The following SLC24A1 variants were observed in gnomAD, a reference collection of about 807,000 sequenced individuals.
The protein encoded by SLC24A1 is solute carrier family 24 member 1.
Under a neutral mutation model 88.1 loss-of-function variants are expected in SLC24A1, and 52 were observed. That is an observed-to-expected ratio of 0.59 (90% CI 0.47 to 0.74). The LOEUF is 0.74. Among genes scored for constraint, SLC24A1 ranks in the 30% least tolerant of loss-of-function variants. The pLI is 0.00. For missense variants in SLC24A1, 1,173 were observed against 1,363.3 expected (o/e 0.86, Z 2.20); for synonymous variants, 455 against 498.0 (o/e 0.91, Z 1.15).
Position 65,652,819 on chromosome 15 carries a change from ATGTAACTT to A in SLC24A1, c.3050+13_3050+20del. The stretch of plus-strand genomic sequence containing the variant: ...TGATATCACTGTGGGGTGAGTGGCA[ATGTAACTT>A]TCTAAGGGGTGTTAAGTATGACTGG... On this transcript the variant is annotated intron_variant, in intron 9 of 9. Coordinates refer to ENST00000261892, the MANE Select transcript of SLC24A1 (RefSeq NM_004727.3). The A allele has an allele frequency of 1.3e-6, 2 of 1,583,798 alleles. No homozygotes were observed. The highest frequency in any genetic ancestry group is 1.7e-6 in the Non-Finnish European group (2 of 1,159,398).
downstream of SLC24A1, chr15:65,658,325 G>A (rs1233827035): frequency 1.3e-5 from 2 of 152,206 alleles, no homozygotes; most frequent in Non-Finnish European, 1.5e-5. Context: ...ATCCAGACAG[G>A]AAGAGGCAGC....
chr15:65,653,369 T>C (rs964277355), intron 9 of SLC24A1, among the ~76,000 whole-genome samples: 1 of 152,186 alleles, frequency 6.6e-6, no homozygotes, highest in Non-Finnish European at 1.5e-5. Flanking sequence ...TATGTGTATT[T>C]GGGGTGAGGG....
At position 65,655,939 on chromosome 15, in the gene SLC24A1, G is replaced by A; in HGVS notation, c.*1860G>A. Reference sequence around the variant, plus strand: ...ATCCTCCCGAGAAGACTGATGAAGAGTATGGAATCATGTTCCAATTCTATA... The same window carrying A: ...ATCCTCCCGAGAAGACTGATGAAGAATATGGAATCATGTTCCAATTCTATA... On this transcript the variant is annotated 3_prime_UTR_variant, in exon 10 of 10. Transcript: ENST00000261892. 2 of 985,094 alleles carry A rather than the reference G, an allele frequency of 2.0e-6. No individual in the cohort carries two copies. Among genetic ancestry groups the A allele is most frequent in the Non-Finnish European group, 2.4e-6 (2 of 829,674 alleles). The allele number at this position is 985,094 out of a possible 1,614,324, so 61.0% of individuals were successfully genotyped here. A position where few individuals can be genotyped will look rare whatever the true frequency, so the allele number is the denominator to read the frequency against.
At chr15:65,644,218 A>C in intron 4 of SLC24A1, 1 of 587,322 alleles carries the variant, frequency 1.7e-6, no homozygotes, top group Non-Finnish European at 3.1e-6. Flanking sequence ...GTCAGTGACA[A>C]TGCAGAGAAT....
rs774825976 is a variant in SLC24A1 at position 65,626,690 on chromosome 15, C to T, written c.1890+720C>T. 1.3e-4 allele frequency among the ~76,000 whole-genome samples: 20 copies of T among 152,194 alleles called. No homozygotes were observed. The South Asian group carries it at 1.9e-3, about 14-fold the overall frequency. Reference sequence around the variant, plus strand: ...GTTCCTTTCCAAGAACTTCTCTGCCCGCTTGAGGGACCTTCCTGTTAAATT... The same window carrying T: ...GTTCCTTTCCAAGAACTTCTCTGCCTGCTTGAGGGACCTTCCTGTTAAATT... On this transcript the variant is annotated intron_variant, in intron 2 of 9. Coordinates refer to ENST00000261892, the MANE Select transcript of SLC24A1 (RefSeq NM_004727.3).
intron 4 of SLC24A1, chr15:65,643,150 C>T (rs2075187469): frequency 1.5e-6 from 1 of 681,786 alleles, no homozygotes; most frequent in African/African-American, 1.9e-5. Context: ...TACTTTGTCA[C>T]CAACTCTGGA....
At chr15:65,629,967 T>G (rs1031301561) in intron 2 of SLC24A1, among the ~76,000 whole-genome samples, 1 of 152,166 alleles carries the variant, frequency 6.6e-6, no homozygotes, top group Non-Finnish European at 1.5e-5. Context: ...CTGGAAGGAC[T>G]TTTTTATTTA....
chr15:65,638,846 G>C (rs2075026707), intron 3 of SLC24A1, among the ~76,000 whole-genome samples: 1 of 152,134 alleles, frequency 6.6e-6, no homozygotes. Context: ...AGAAGGGAGG[G>C]AGGACTCCGC....
upstream of SLC24A1, among the ~76,000 whole-genome samples, chr15:65,619,572 C>T (rs752969463): frequency 2.6e-5 from 4 of 151,990 alleles, no homozygotes; most frequent in East Asian, 1.9e-4. Context: ...AAATTTGCGA[C>T]GCTTTCAAAT....
intron 3 of SLC24A1, 127 bp downstream of exon 3, chr15:65,638,308 G>C: frequency 2.9e-6 from 2 of 689,888 alleles, no homozygotes; most frequent in South Asian, 3.2e-5. Flanking sequence ...ACTCCTGGGA[G>C]CGCTGCCAGG....
chr15:65,654,515 A>G lies in SLC24A1; in HGVS notation c.*436A>G. On this transcript the variant is annotated 3_prime_UTR_variant, in exon 10 of 10. Coordinates refer to ENST00000261892, the MANE Select transcript of SLC24A1 (RefSeq NM_004727.3). ...TCTCAGCCTTCCTGACCTCTGCCCCAAACACACGCTGCAATTTTGTCTCCT... is the reference window on the plus strand; with the variant it reads ...TCTCAGCCTTCCTGACCTCTGCCCCGAACACACGCTGCAATTTTGTCTCCT... 1.7e-6 allele frequency: 2 copies of G among 1,185,096 alleles called. No individual in the cohort carries two copies. Among genetic ancestry groups the G allele is most frequent in the Non-Finnish European group, 2.1e-6 (2 of 944,506 alleles). The allele number at this position is 1,185,096 out of a possible 1,614,324, so 73.4% of individuals were successfully genotyped here.
chr15:65,654,640 TATAAC>T lies in SLC24A1; in HGVS notation c.*563_*567del. The T allele has an allele frequency of 7.9e-7, 1 of 1,267,486 alleles. No homozygotes were observed. The highest frequency in any genetic ancestry group is 1.0e-6 in the Non-Finnish European group (1 of 982,348). 78.5% of individuals were successfully genotyped at this position (1,267,486 alleles called of 1,614,324 possible). On this transcript the variant is annotated 3_prime_UTR_variant, in exon 10 of 10. Coordinates refer to ENST00000261892, the MANE Select transcript of SLC24A1 (RefSeq NM_004727.3). ...TCCAAGGCTACAGAAAAAAAAGAAA[TATAAC>T]AGGAATTAATGATCATTCCACGTTT...
chr15:65,633,815 C>G (rs1397013284), intron 2 of SLC24A1, among the ~76,000 whole-genome samples: 1 of 152,100 alleles, frequency 6.6e-6, no homozygotes, highest in African/African-American at 2.4e-5. Flanking sequence ...GAAGTTTAGA[C>G]TCTTACTGGG....
Position 65,638,190 on chromosome 15 carries a change from C to A in SLC24A1, c.1944+9C>A. On this transcript the variant is annotated intron_variant, in intron 3 of 9. Coordinates refer to ENST00000261892, the MANE Select transcript of SLC24A1 (RefSeq NM_004727.3). Reference sequence around the variant, plus strand: ...ATAACAAGAAGCTGAAGGTGGGTGCCGTATGGAGTCTGCCCAGTGGGGACA... The same window carrying A: ...ATAACAAGAAGCTGAAGGTGGGTGCAGTATGGAGTCTGCCCAGTGGGGACA... The A allele has an allele frequency of 6.3e-7, 1 of 1,590,062 alleles. No homozygotes were observed. Among genetic ancestry groups the A allele is most frequent in the East Asian group, 2.2e-5 (1 of 44,508 alleles).
intron 2 of SLC24A1, among the ~76,000 whole-genome samples, chr15:65,635,882 A>G (rs771373152): frequency 5.9e-5 from 9 of 152,210 alleles, no homozygotes; most frequent in Non-Finnish European, 1.3e-4. Context: ...CACAGAATCC[A>G]TGTCCTAAGC....
chr15:65,631,767 G>A (rs61076268), intron 2 of SLC24A1, among the ~76,000 whole-genome samples: 1,862 of 152,246 alleles, frequency 0.012, 40 homozygotes, highest in African/African-American at 0.043. Flanking sequence ...CAAAAACCGC[G>A]ATTACTTTTG....
chr15:65,618,913 A>G (rs1054003790), upstream of SLC24A1: 1 of 152,182 alleles, frequency 6.6e-6, no homozygotes, highest in Non-Finnish European at 1.5e-5. Context: ...ACTTGACTGT[A>G]AGGATGAAAT....
chr15:65,655,586 G>A lies in SLC24A1; in HGVS notation c.*1507G>A. ...GAAATAGAACAGCTTAATATCACTG[G>A]CTTCAGAGCAAAATGAGCTCGGGTG... On this transcript the variant is annotated 3_prime_UTR_variant, in exon 10 of 10. Coordinates refer to ENST00000261892, the MANE Select transcript of SLC24A1 (RefSeq NM_004727.3). 1 of 985,326 alleles carries A rather than the reference G, an allele frequency of 1.0e-6. No individual in the cohort carries two copies. The highest frequency in any genetic ancestry group is 1.2e-6 in the Non-Finnish European group (1 of 829,888). 61.0% of individuals were successfully genotyped at this position (985,326 alleles called of 1,614,324 possible).
upstream of SLC24A1, among the ~76,000 whole-genome samples, chr15:65,621,715 C>T (rs890949803): frequency 6.6e-6 from 1 of 152,184 alleles, no homozygotes; most frequent in Non-Finnish European, 1.5e-5. Flanking sequence ...CCCTAGACCA[C>T]CTCTCATTCT....
Sources: allele counts gnomAD v4.1 joint callset (sites outside exome capture counted in the v4.1 genomes callset), GRCh38; gene constraint gnomAD v4.1.1; transcripts MANE v1.5; gene names NCBI Gene and HGNC (gene_info 2026-07-23, HGNC 2026-07-21).